The following FCHSD2 variants were observed in gnomAD, a reference collection of about 807,000 sequenced individuals.
FCHSD2 encodes FCH and double SH3 domains 2.
FCHSD2 carries 38 observed loss-of-function variants against 108.1 expected under a neutral mutation model. The observed-to-expected ratio is 0.35, with a 90% CI of 0.27 to 0.46. The LOEUF (loss-of-function observed/expected upper bound fraction) is 0.46. FCHSD2 is among the 20% of genes least tolerant of loss of function. The probability of loss-of-function intolerance (pLI) is 1.00; values close to 1 mark genes in which losing one functional copy is unlikely to be tolerated. For missense variants in FCHSD2, 751 were observed against 897.8 expected, an observed-to-expected ratio of 0.84 and a Z score of 2.09; for synonymous variants, 279 against 314.7, an observed-to-expected ratio of 0.89 and a Z score of 1.20.
At chr11:73,039,525 AAAAG>A (rs1565380321) in intron 3 of FCHSD2, among the ~76,000 whole-genome samples, 2 of 152,038 alleles carry the variant, frequency 1.3e-5, no homozygotes, top group African/African-American at 2.4e-5. Context: ...TCCAAAAAAA[AAAAG>A]AAAGAAAGAA....
chr11:73,027,623 A>T (rs967220445), intron 3 of FCHSD2, among the ~76,000 whole-genome samples: 2 of 152,272 alleles, frequency 1.3e-5, no homozygotes, highest in Non-Finnish European at 2.9e-5. Context: ...AGAAATTTGC[A>T]TGAGTAAAAA....
intron 8 of FCHSD2, among the ~76,000 whole-genome samples, chr11:72,943,827 A>G: frequency 6.6e-6 from 1 of 152,346 alleles, no homozygotes; most frequent in South Asian, 2.1e-4. Flanking sequence ...TAGCACATCT[A>G]TAATTAAATA....
chr11:72,897,805 T>C (rs981425434), intron 10 of FCHSD2, among the ~76,000 whole-genome samples: 4 of 152,184 alleles, frequency 2.6e-5, no homozygotes, highest in African/African-American at 9.7e-5. Flanking sequence ...CAGAATATTC[T>C]TATTATAGAC....
At chr11:73,103,889 G>GT (rs1860279987) in intron 2 of FCHSD2, among the ~76,000 whole-genome samples, 1 of 152,166 alleles carries the variant, frequency 6.6e-6, no homozygotes, top group South Asian at 2.1e-4. Context: ...GAGAAGTTTT[G>GT]TAACAGCCTT....
chr11:72,943,877 C>A (rs1856468423), intron 8 of FCHSD2, among the ~76,000 whole-genome samples: 1 of 152,180 alleles, frequency 6.6e-6, no homozygotes, highest in African/African-American at 2.4e-5. Flanking sequence ...AACTACTACA[C>A]TAAGAACGTA....
chr11:73,032,585 GA>G lies in FCHSD2; in HGVS notation c.166-16701del, dbSNP rs111425392. 1.8e-3 allele frequency among the ~76,000 whole-genome samples: 244 copies of G among 139,018 alleles called. 1 individual carries two copies. The highest frequency in any genetic ancestry group is 4.7e-3 in the African/African-American group (179 of 38,170). 91.2% of individuals were successfully genotyped at this position (139,018 alleles called of 152,430 possible). The stretch of plus-strand genomic sequence containing the variant: ...GCAAATGTTTATTACCTTCCTAACT[GA>G]AAAAAAAAAAGCACAACAAAGAGGA... On this transcript the variant is annotated intron_variant, in intron 3 of 19. Coordinates refer to ENST00000409418, the MANE Select transcript of FCHSD2 (RefSeq NM_014824.3).
At chr11:72,977,617 C>T (rs542141853) in intron 8 of FCHSD2, among the ~76,000 whole-genome samples, 8 of 152,324 alleles carry the variant, frequency 5.3e-5, no homozygotes, top group South Asian at 4.1e-4. Flanking sequence ...TATGTGCTGC[C>T]GAAGCGAGCA....
intron 2 of FCHSD2, among the ~76,000 whole-genome samples, chr11:73,087,727 A>G (rs1859857321): frequency 6.6e-6 from 1 of 152,044 alleles, no homozygotes; most frequent in South Asian, 2.1e-4. Context: ...AAAATTTTTA[A>G]AATAAATTTA....
Position 72,838,515 on chromosome 11 carries a change from C to T in FCHSD2, c.*276G>A, listed in dbSNP as rs905985646. The T allele has an allele frequency of 2.0e-6, 1 of 492,874 alleles. No individual in the cohort carries two copies. The highest frequency in any genetic ancestry group is 2.2e-5 in the South Asian group (1 of 44,470). 30.5% of individuals were successfully genotyped at this position (492,874 alleles called of 1,614,324 possible). On this transcript the variant is annotated 3_prime_UTR_variant, in exon 20 of 20. Transcript: ENST00000409418. ...TTGAGTCTCATATAAAAACAGACCA[C>T]TGTTAGGCATGAGGGCTGCCCCCCT...
At chr11:73,049,660 T>C (rs1420873261) in intron 3 of FCHSD2, among the ~76,000 whole-genome samples, 1 of 142,304 alleles carries the variant, frequency 7.0e-6, no homozygotes, top group Non-Finnish European at 1.5e-5. Flanking sequence ...AATGTGCACA[T>C]GTACCCTAAA....
rs1372711293 is a variant in FCHSD2, at chr11:72,909,490, C to A, written c.829-6852G>T. Among the ~76,000 whole-genome samples, 3 of 152,116 alleles carry A rather than the reference C, an allele frequency of 2.0e-5. No homozygotes were observed. The East Asian group carries it at 5.8e-4, about 29-fold the overall frequency. The stretch of plus-strand genomic sequence containing the variant: ...GGAAGTGAGGAGCGTCTCTGCCTGG[C>A]CGCCCATCATCTGGGATGTGAGGAG... On this transcript the variant is annotated intron_variant, in intron 9 of 19. Coordinates refer to ENST00000409418, the MANE Select transcript of FCHSD2 (RefSeq NM_014824.3).
At chr11:73,016,578 C>T (rs1857979685) in intron 3 of FCHSD2, among the ~76,000 whole-genome samples, 1 of 152,174 alleles carries the variant, frequency 6.6e-6, no homozygotes, top group East Asian at 1.9e-4. Context: ...TCTGATCACA[C>T]AGCTTTCTAA....
At chr11:72,990,269 C>T (rs1319943207) in intron 5 of FCHSD2, among the ~76,000 whole-genome samples, 1 of 152,152 alleles carries the variant, frequency 6.6e-6, no homozygotes, top group East Asian at 1.9e-4. Context: ...GATGAGAAGA[C>T]ACAATGTCAG....
At chr11:72,899,225 T>C (rs1855479819) in intron 10 of FCHSD2, among the ~76,000 whole-genome samples, 2 of 152,358 alleles carry the variant, frequency 1.3e-5, no homozygotes, top group South Asian at 4.1e-4. Flanking sequence ...ATTTTTGTTT[T>C]TGCTTCCTGG....
rs769990320 is a variant in FCHSD2 at position 72,849,759 on chromosome 11, T to C, written c.1439A>G (p.Tyr480Cys). 1.9e-6 allele frequency: 3 copies of C among 1,609,492 alleles called. No individual in the cohort carries two copies. The highest frequency in any genetic ancestry group is 2.5e-6 in the Non-Finnish European group (3 of 1,176,814). The stretch of plus-strand genomic sequence containing the variant: ...TTATGTTGGAGAAATACAAACCTTG[T>C]AGGAATAAACAACTTTGCAGGTGAG... ...YPLTCKVVYS[Y>C]KASQPDELTI... Residue 480 changes from tyrosine to cysteine, a missense_variant, in exon 14 of 20, where the codon TAC (tyrosine) becomes TGC (cysteine). Coordinates refer to ENST00000409418, the MANE Select transcript of FCHSD2 (RefSeq NM_014824.3).
chr11:72,855,358 C>G (rs1861399824), intron 13 of FCHSD2, among the ~76,000 whole-genome samples: 1 of 152,068 alleles, frequency 6.6e-6, no homozygotes, highest in Non-Finnish European at 1.5e-5. Context: ...TGCCTGTAAT[C>G]CCAGCTGCTC....
intron 6 of FCHSD2, among the ~76,000 whole-genome samples, chr11:72,988,140 GTGT>G (rs1454269203): frequency 1.3e-5 from 2 of 152,106 alleles, no homozygotes; most frequent in African/African-American, 4.8e-5. Context: ...GTTTGTACAG[GTGT>G]TCAAAGCCTT....
chr11:73,136,256 T>A (rs188626890), intron 2 of FCHSD2, among the ~76,000 whole-genome samples: 1 of 152,118 alleles, frequency 6.6e-6, no homozygotes, highest in Non-Finnish European at 1.5e-5. Context: ...TCTAATGTGC[T>A]GTAGATTTTT....
At chr11:73,098,784 T>C (rs1860149924) in intron 2 of FCHSD2, among the ~76,000 whole-genome samples, 1 of 152,200 alleles carries the variant, frequency 6.6e-6, no homozygotes, top group Admixed American at 6.5e-5. Flanking sequence ...AAGACCTAAA[T>C]GTAACAGCTA....
Sources: allele counts gnomAD v4.1 joint callset (sites outside exome capture counted in the v4.1 genomes callset), GRCh38; gene constraint gnomAD v4.1.1; transcripts MANE v1.5; gene names NCBI Gene and HGNC (gene_info 2026-07-23, HGNC 2026-07-21).